Variants in PDGFC observed in about 807,000 individuals in gnomAD.
PDGFC encodes the protein platelet-derived growth factor C.
In PDGFC, 12 loss-of-function variants were observed where a neutral mutation model predicts 35.5. The ratio of observed to expected loss-of-function variants is 0.34; its 90% CI spans 0.22 to 0.55. PDGFC has a LOEUF of 0.55. Among genes scored for constraint, PDGFC ranks in the 20% least tolerant of loss-of-function variants. The pLI, the probability that PDGFC is intolerant of heterozygous loss-of-function variation, is 0.91. For missense variants in PDGFC, 322 were observed against 412.4 expected, an observed-to-expected ratio of 0.78 and a Z score of 1.90; for synonymous variants, 159 against 148.8, an observed-to-expected ratio of 1.07 and a Z score of -0.50.
chr4:156,875,132 T>C (rs1730082014), intron 1 of PDGFC, among the ~76,000 whole-genome samples: 1 of 152,128 alleles, frequency 6.6e-6, no homozygotes, highest in Non-Finnish European at 1.5e-5. Flanking sequence ...AAATAATTGA[T>C]GAGTGAAAGA....
intron 1 of PDGFC, among the ~76,000 whole-genome samples, chr4:156,891,178 TA>T (rs942400306): frequency 6.2e-5 from 9 of 145,686 alleles, no homozygotes; most frequent in Admixed American, 4.2e-4. Flanking sequence ...CATCTAAACA[TA>T]AAAAAAAGGA....
At chr4:156,783,394 G>A (rs942394640) in intron 3 of PDGFC, among the ~76,000 whole-genome samples, 3 of 152,128 alleles carry the variant, frequency 2.0e-5, no homozygotes, top group Non-Finnish European at 4.4e-5. Flanking sequence ...GTGAGGAGGT[G>A]CCTTGGGTTG....
chr4:156,896,747 T>C (rs763934257), intron 1 of PDGFC, among the ~76,000 whole-genome samples: 2 of 152,130 alleles, frequency 1.3e-5, no homozygotes, highest in Admixed American at 6.6e-5. Context: ...CTAAAGGGGA[T>C]AGAGGGTAGG....
At chr4:156,848,957 G>A (rs892834092) in intron 2 of PDGFC, among the ~76,000 whole-genome samples, 1 of 151,974 alleles carries the variant, frequency 6.6e-6, no homozygotes, top group African/African-American at 2.4e-5. Flanking sequence ...TGACCCAGAA[G>A]TCTCCTGTCT....
At chr4:156,908,844 A>G (rs774547150) in intron 1 of PDGFC, among the ~76,000 whole-genome samples, 5 of 152,202 alleles carry the variant, frequency 3.3e-5, no homozygotes, top group Non-Finnish European at 7.3e-5. Context: ...CCAATGTCCA[A>G]CTAATGAATG....
chr4:156,766,845 C>G (rs563848940), intron 5 of PDGFC, among the ~76,000 whole-genome samples: 1 of 152,090 alleles, frequency 6.6e-6, no homozygotes, highest in South Asian at 2.1e-4. Flanking sequence ...GACAAGGGAC[C>G]CTGTTTCCAT....
intron 1 of PDGFC, among the ~76,000 whole-genome samples, chr4:156,910,464 T>C (rs928670755): frequency 6.6e-6 from 1 of 152,200 alleles, no homozygotes; most frequent in Non-Finnish European, 1.5e-5. Flanking sequence ...GGCTGTTTTC[T>C]AGCTTGTAGC....
intron 2 of PDGFC, among the ~76,000 whole-genome samples, chr4:156,845,652 G>GA (rs112649807): frequency 6.6e-6 from 1 of 151,778 alleles, no homozygotes; most frequent in African/African-American, 2.4e-5. Context: ...CCTTACTGTG[G>GA]AAGAGGCCAA....
At chr4:156,887,764 C>T (rs1730408826) in intron 1 of PDGFC, among the ~76,000 whole-genome samples, 2 of 151,914 alleles carry the variant, frequency 1.3e-5, no homozygotes, top group African/African-American at 4.8e-5. Context: ...CCTATAACCC[C>T]TCACTTTGGG....
intron 2 of PDGFC, among the ~76,000 whole-genome samples, chr4:156,834,898 A>T (rs1729026484): frequency 1.3e-5 from 2 of 151,986 alleles, no homozygotes; most frequent in Admixed American, 6.6e-5. Context: ...CATGGTCTTG[A>T]GTCATATAGT....
chr4:156,906,580 G>A (rs1730920060), intron 1 of PDGFC, among the ~76,000 whole-genome samples: 1 of 152,104 alleles, frequency 6.6e-6, no homozygotes. Flanking sequence ...CTGGAAGGTA[G>A]CTTAGGGGGA....
At chr4:156,928,451 C>G (rs1182297218) in intron 1 of PDGFC, among the ~76,000 whole-genome samples, 2 of 152,070 alleles carry the variant, frequency 1.3e-5, no homozygotes, top group Non-Finnish European at 2.9e-5. Context: ...GCTACTGCAT[C>G]AGGATAAAAG....
At chr4:156,794,440 C>T (rs1033199477) in intron 3 of PDGFC, among the ~76,000 whole-genome samples, 3 of 150,510 alleles carry the variant, frequency 2.0e-5, no homozygotes, top group South Asian at 2.1e-4. Flanking sequence ...CAAAGTAACA[C>T]AAACCAAGAA....
intron 2 of PDGFC, among the ~76,000 whole-genome samples, chr4:156,828,595 T>C (rs1728843975): frequency 6.6e-6 from 1 of 152,190 alleles, no homozygotes; most frequent in Non-Finnish European, 1.5e-5. Flanking sequence ...ATAATGTGTG[T>C]ATACATATGT....
intron 2 of PDGFC, among the ~76,000 whole-genome samples, chr4:156,815,364 ACACC>A (rs1732058149): frequency 7.3e-6 from 1 of 137,660 alleles, no homozygotes; most frequent in African/African-American, 2.9e-5. Context: ...ACACACACAC[ACACC>A]CCGTTGTCAC....
chr4:156,877,802 C>A (rs1730150317), intron 1 of PDGFC, among the ~76,000 whole-genome samples: 1 of 152,118 alleles, frequency 6.6e-6, no homozygotes, highest in East Asian at 1.9e-4. Context: ...TGACACCCAA[C>A]CTCTCCCCGG....
chr4:156,872,450 C>T (rs1351266276), intron 1 of PDGFC, among the ~76,000 whole-genome samples: 1 of 152,186 alleles, frequency 6.6e-6, no homozygotes, highest in Admixed American at 6.5e-5. Context: ...TGACTCAAGG[C>T]TTCAAAGTGC....
At chr4:156,807,547 GA>G (rs576821822) in intron 3 of PDGFC, among the ~76,000 whole-genome samples, 2 of 151,826 alleles carry the variant, frequency 1.3e-5, no homozygotes, top group South Asian at 4.2e-4. Flanking sequence ...ATAAACTGAG[GA>G]AAAAAAGAGT....
chr4:156,891,111 T>C (rs1403072952), intron 1 of PDGFC, among the ~76,000 whole-genome samples: 1 of 151,832 alleles, frequency 6.6e-6, no homozygotes, highest in African/African-American at 2.4e-5. Context: ...AGCATGTTAC[T>C]AAACTAAATA....
Sources: allele counts gnomAD v4.1 joint callset (sites outside exome capture counted in the v4.1 genomes callset), GRCh38; gene constraint gnomAD v4.1.1; transcripts MANE v1.5; gene names NCBI Gene and HGNC (gene_info 2026-07-23, HGNC 2026-07-21).